Variants in SUSD4 observed in about 807,000 individuals in gnomAD.
SUSD4 encodes sushi domain containing 4.
A neutral mutation model predicts 50.5 loss-of-function variants in SUSD4; 41 were observed. That is an observed-to-expected ratio of 0.81 (90% confidence interval 0.63 to 1.05). SUSD4 has a LOEUF of 1.05. Among genes scored for constraint, SUSD4 ranks in the 50% least tolerant of loss-of-function variants. SUSD4 has a pLI of 0.00. For missense variants in SUSD4, 580 were observed against 634.7 expected, an observed-to-expected ratio of 0.91 and a Z score of 0.93; for synonymous variants, 257 against 257.3, an observed-to-expected ratio of 1.00 and a Z score of 0.01.
chr1:223,235,184 T>TA (rs5781303), intron 5 of SUSD4: 60 of 1,369,154 alleles, frequency 4.4e-5, no homozygotes, highest in East Asian at 1.0e-4. Flanking sequence ...CTTTTCTTTC[T>TA]AAAAAAAATA....
At chr1:223,325,144 T>TA (rs1666800091) in intron 2 of SUSD4, among the ~76,000 whole-genome samples, 1 of 152,212 alleles carries the variant, frequency 6.6e-6, no homozygotes, top group East Asian at 1.9e-4. Context: ...TTGGCATCAG[T>TA]ATCCCTTCTC....
At chr1:223,361,090 C>G (rs534386234) in intron 2 of SUSD4, among the ~76,000 whole-genome samples, 14 of 152,180 alleles carry the variant, frequency 9.2e-5, no homozygotes, top group South Asian at 6.2e-4. Flanking sequence ...CAGCATCCAC[C>G]TTTTAACAAG....
At chr1:223,316,851 T>G (rs970790656) in intron 2 of SUSD4, among the ~76,000 whole-genome samples, 3 of 152,148 alleles carry the variant, frequency 2.0e-5, no homozygotes, top group African/African-American at 7.2e-5. Context: ...AGGCCTTAAC[T>G]GTAGGATCTG....
intron 2 of SUSD4, among the ~76,000 whole-genome samples, chr1:223,335,885 T>C (rs957791782): frequency 6.6e-6 from 1 of 152,000 alleles, no homozygotes; most frequent in African/African-American, 2.4e-5. Flanking sequence ...AAATAGGAAA[T>C]GGTGTTAAGA....
At chr1:223,290,545 A>AC (rs11374677) in intron 3 of SUSD4, among the ~76,000 whole-genome samples, 74,903 of 152,060 alleles carry the variant, frequency 0.49, 20,491 homozygotes, top group African/African-American at 0.74. Flanking sequence ...AAGGACCTGA[A>AC]TGTCCTTTGG....
At position 223,224,862 on chromosome 1, in the gene SUSD4, CTTTTTTTT is replaced by C. The variant is rs11345619; in HGVS notation, c.1062-1239_1062-1232del. On this transcript the variant is annotated intron_variant, in intron 7 of 8. Transcript: ENST00000366878. ...GTAGCCAATAGAACTTGGTTTCTTC[CTTTTTTTT>C]TTTTTTTTTTTTTTTTTGAGATAGA... 3.0e-4 allele frequency among the ~76,000 whole-genome samples: 18 copies of C among 59,286 alleles called. 1 individual carries two copies. The East Asian group carries it at 4.5e-3, about 15-fold the overall frequency. 38.9% of individuals were successfully genotyped at this position (59,286 alleles called of 152,430 possible). A position where few individuals can be genotyped will look rare whatever the true frequency, so the allele number is the denominator to read the frequency against.
chr1:223,274,705 G>A (rs1036856428), intron 3 of SUSD4, among the ~76,000 whole-genome samples: 2 of 152,104 alleles, frequency 1.3e-5, no homozygotes, highest in African/African-American at 2.4e-5. Context: ...TATATTTAAC[G>A]CATTGAGGGC....
At chr1:223,358,917 T>A (rs1418948862) in intron 2 of SUSD4, 4 of 305,852 alleles carry the variant, frequency 1.3e-5, no homozygotes, top group Non-Finnish European at 2.8e-5. Flanking sequence ...TGTAAGAAAA[T>A]GTTTCTCAAT....
Position 223,336,448 on chromosome 1 carries a change from C to T in SUSD4, c.148+26830G>A, listed in dbSNP as rs116663149. On this transcript the variant is annotated intron_variant, in intron 2 of 8. Transcript: ENST00000366878. ...AATTATCAAGAAACATGAAGGTAGC[C>T]GCATGACCAGTCAGAAGTATTGGAA... Among the ~76,000 whole-genome samples, 1,084 of 152,122 alleles carry T rather than the reference C, an allele frequency of 7.1e-3. 12 individuals are homozygous for T. The highest frequency in any genetic ancestry group is 0.025 in the African/African-American group (1,030 of 41,508).
At chr1:223,329,965 A>C (rs1667088647) in intron 2 of SUSD4, among the ~76,000 whole-genome samples, 1 of 152,142 alleles carries the variant, frequency 6.6e-6, no homozygotes, top group African/African-American at 2.4e-5. Flanking sequence ...TAGATGAACA[A>C]ACGGAAAGAT....
chr1:223,223,898 C>T (rs2102988620), intron 7 of SUSD4, among the ~76,000 whole-genome samples: 1 of 152,352 alleles, frequency 6.6e-6, no homozygotes, highest in Non-Finnish European at 1.5e-5. Flanking sequence ...ACTATCTCCT[C>T]ATGCTTTTTC....
chr1:223,345,284 C>T (rs2103311121), intron 2 of SUSD4, among the ~76,000 whole-genome samples: 1 of 152,280 alleles, frequency 6.6e-6, no homozygotes, highest in Non-Finnish European at 1.5e-5. Flanking sequence ...CCCTCACATC[C>T]CTGGCTTTGG....
At chr1:223,330,757 T>C (rs1667129401) in intron 2 of SUSD4, among the ~76,000 whole-genome samples, 1 of 152,160 alleles carries the variant, frequency 6.6e-6, no homozygotes, top group South Asian at 2.1e-4. Flanking sequence ...GTAGACACAA[T>C]TGATTGCAGC....
At chr1:223,362,947 C>CA (rs1194337338) in intron 2 of SUSD4, among the ~76,000 whole-genome samples, 1 of 135,794 alleles carries the variant, frequency 7.4e-6, no homozygotes, top group African/African-American at 2.7e-5. Context: ...CCCACCCCTC[C>CA]CCCCCCCGCC....
At chr1:223,260,450 G>A (rs1333227718) in intron 5 of SUSD4, among the ~76,000 whole-genome samples, 3 of 152,258 alleles carry the variant, frequency 2.0e-5, no homozygotes, top group South Asian at 2.1e-4. Context: ...CAATGTGTGC[G>A]TGTGTGTGCA....
rs1669122299 is a variant in SUSD4, at chr1:223,363,442, G to A, written c.-17C>T. The A allele has an allele frequency of 3.3e-6, 5 of 1,528,042 alleles. No individual in the cohort carries two copies. The highest frequency in any genetic ancestry group is 4.4e-6 in the Non-Finnish European group (5 of 1,132,676). The allele number at this position is 1,528,042 out of a possible 1,614,324, so 94.7% of individuals were successfully genotyped here. A position where few individuals can be genotyped will look rare whatever the true frequency, so the allele number is the denominator to read the frequency against. ...ATGATACATCTTTCATCCACAGAGG[G>A]CATCCAGCTTGCAAGAGTCTGCAAC... On this transcript the variant is annotated 5_prime_UTR_variant, in exon 2 of 9. Coordinates refer to ENST00000366878, the MANE Select transcript of SUSD4 (RefSeq NM_017982.4).
intron 5 of SUSD4, among the ~76,000 whole-genome samples, chr1:223,243,351 G>A (rs931835353): frequency 1.3e-5 from 2 of 152,166 alleles, no homozygotes; most frequent in Non-Finnish European, 2.9e-5. Context: ...GGAGAGATGG[G>A]GCTTCCTGGG....
At chr1:223,264,373 A>G (rs1412237525) in intron 5 of SUSD4, 2 of 1,194,634 alleles carry the variant, frequency 1.7e-6, no homozygotes, top group African/African-American at 3.1e-5. Flanking sequence ...AATATTTTGT[A>G]ATTTAACCTT....
At position 223,228,796 on chromosome 1, in the gene SUSD4, C is replaced by T. The variant is rs1659696178; in HGVS notation, c.916+401G>A. Among the ~76,000 whole-genome samples, 3 of 152,036 alleles carry T rather than the reference C, an allele frequency of 2.0e-5. No homozygotes were observed. The South Asian group carries it at 6.2e-4, about 32-fold the overall frequency. On this transcript the variant is annotated intron_variant, in intron 6 of 8. Transcript: ENST00000366878. ...CACACCCACAGGCCTGTGTCCTTACCAGTGGAAAAGGACAAGGCTGGGAGA... is the reference window on the plus strand; with the variant it reads ...CACACCCACAGGCCTGTGTCCTTACTAGTGGAAAAGGACAAGGCTGGGAGA...
Sources: gnomAD v4.1 joint callset for allele counts (sites outside exome capture counted in the v4.1 genomes callset) on GRCh38, gnomAD v4.1.1 for gene constraint, MANE v1.5 for transcripts, NCBI Gene and HGNC (gene_info 2026-07-23, HGNC 2026-07-21) for gene names.